The following TEAD4 variants were observed in gnomAD, a reference collection of about 807,000 sequenced individuals.
The protein encoded by TEAD4 is TEA domain transcription factor 4, also known as transcriptional enhancer factor TEF-3.
Under a neutral mutation model 52.4 loss-of-function variants are expected in TEAD4, and 36 were observed. That is an observed-to-expected ratio of 0.69 (90% CI 0.53 to 0.91). The LOEUF is 0.91. Ranked by LOEUF, TEAD4 falls within the 40% of genes least tolerant of loss-of-function variation. The probability of loss-of-function intolerance (pLI) is 0.00; values close to 1 mark genes in which losing one functional copy is unlikely to be tolerated. For synonymous variants in TEAD4, 220 were observed against 231.0 expected, an observed-to-expected ratio of 0.95 and a Z score of 0.43; for missense variants, 508 against 583.9, an observed-to-expected ratio of 0.87 and a Z score of 1.34.
chr12:2,960,306 C>T, intron 2 of TEAD4: 5 of 985,488 alleles, frequency 5.1e-6, no homozygotes, highest in Non-Finnish European at 6.0e-6. Context: ...GCACCCATGC[C>T]TCTTTTCTGC....
intron 10 of TEAD4, among the ~76,000 whole-genome samples, chr12:3,035,995 A>ACAATGTGTCATCCCCTCCCTC (rs1178418349): frequency 6.6e-6 from 1 of 152,064 alleles, no homozygotes. Context: ...CACCCTGCCT[A>ACAATGTGTCATCCCCTCCCTC]CAATGTGTCA....
chr12:2,960,059 G>A lies in TEAD4; in HGVS notation c.-30+19G>A, dbSNP rs1290953645. 1 of 152,930 alleles carries A rather than the reference G, an allele frequency of 6.5e-6. No individual in the cohort carries two copies. Among genetic ancestry groups the A allele is most frequent in the Non-Finnish European group, 1.5e-5 (1 of 68,668 alleles). 9.5% of individuals were successfully genotyped at this position (152,930 alleles called of 1,614,324 possible). ...GGGACCGGTAAGGCTGGGGCGCGGG[G>A]ACTTGGTAGGACTTTGCCGGAGGGC... On this transcript the variant is annotated intron_variant, in intron 2 of 12. Transcript: ENST00000359864.
At chr12:3,007,468 A>C (rs2098256848) in intron 3 of TEAD4, among the ~76,000 whole-genome samples, 1 of 152,194 alleles carries the variant, frequency 6.6e-6, no homozygotes, top group African/African-American at 2.4e-5. Context: ...AAATAGGTAT[A>C]ATTACCTGCC....
At chr12:3,003,625 G>A (rs114359960) in intron 3 of TEAD4, among the ~76,000 whole-genome samples, 1,556 of 152,256 alleles carry the variant, frequency 0.01, 29 homozygotes, top group African/African-American at 0.036. Context: ...GTTTCTCCAC[G>A]GGCAGCCTTC....
At position 3,021,771 on chromosome 12, in the gene TEAD4, C is replaced by T. The variant is rs1029060869; in HGVS notation, c.724-73C>T. 7.9e-6 allele frequency: 12 copies of T among 1,522,380 alleles called. No homozygotes were observed. The East Asian group carries it at 1.4e-4, about 17-fold the overall frequency. The allele number at this position is 1,522,380 out of a possible 1,614,324, so 94.3% of individuals were successfully genotyped here. A position where few individuals can be genotyped will look rare whatever the true frequency, so the allele number is the denominator to read the frequency against. ...GGCTTGCACCAGGTCACGTGGTGGGCACGCAGAGCCAGGGTTGTCTGTCTG... is the reference window on the plus strand; with the variant it reads ...GGCTTGCACCAGGTCACGTGGTGGGTACGCAGAGCCAGGGTTGTCTGTCTG... On this transcript the variant is annotated intron_variant, in intron 9 of 12. Transcript: ENST00000359864.
chr12:2,985,366 CAG>C (rs1434367379), intron 2 of TEAD4, among the ~76,000 whole-genome samples: 1 of 151,454 alleles, frequency 6.6e-6, no homozygotes, highest in Non-Finnish European at 1.5e-5. Context: ...GCCTGGGTGA[CAG>C]AGCAAGACTC....
chr12:3,017,393 C>T lies in TEAD4; in HGVS notation c.355-5C>T, dbSNP rs748010136. ...TGAGGTCCTCCCTTGCAATGTCTCC[C>T]CCAGGACCAGGCAGCTAAGGACAAG... is the stretch of plus-strand genomic sequence containing the variant. On this transcript the variant is annotated splice_polypyrimidine_tract_variant and splice_region_variant and intron_variant, in intron 5 of 12. Coordinates refer to ENST00000359864, the MANE Select transcript of TEAD4 (RefSeq NM_003213.4). 19 of 1,613,980 alleles carry T rather than the reference C, an allele frequency of 1.2e-5. No individual in the cohort carries two copies. In the Admixed American group the frequency reaches 3.2e-4, roughly 27 times the overall value.
intron 5 of TEAD4, among the ~76,000 whole-genome samples, chr12:3,014,601 C>T (rs563848460): frequency 2.6e-5 from 4 of 152,284 alleles, no homozygotes; most frequent in South Asian, 2.1e-4. Flanking sequence ...GCCCCGTGGC[C>T]GTGAGTGCTT....
intron 3 of TEAD4, among the ~76,000 whole-genome samples, chr12:2,999,449 C>T (rs766136544): frequency 3.9e-5 from 6 of 152,336 alleles, no homozygotes; most frequent in Admixed American, 2.0e-4. Flanking sequence ...GCTCCGCCCA[C>T]GGAACATCCA....
At chr12:3,017,022 G>A (rs1000465126) in intron 5 of TEAD4, 6 of 457,364 alleles carry the variant, frequency 1.3e-5, no homozygotes, top group African/African-American at 2.0e-5. Context: ...CTGTGCACTC[G>A]AGGAGGGATC....
chr12:3,017,197 C>A, intron 5 of TEAD4: 2 of 689,504 alleles, frequency 2.9e-6, no homozygotes, highest in Non-Finnish European at 2.6e-6. Context: ...GCCCCTTTGA[C>A]AGATGAGAAA....
At chr12:2,976,194 C>T (rs1050762618) in intron 2 of TEAD4, among the ~76,000 whole-genome samples, 14 of 152,000 alleles carry the variant, frequency 9.2e-5, no homozygotes, top group African/African-American at 3.4e-4. Flanking sequence ...TTAGTAGACA[C>T]ACCATTTTGT....
chr12:2,962,741 C>T (rs2098216838), intron 2 of TEAD4, among the ~76,000 whole-genome samples: 1 of 152,158 alleles, frequency 6.6e-6, no homozygotes, highest in Non-Finnish European at 1.5e-5. Flanking sequence ...GCTGGGATTA[C>T]AGGCGTGAGC....
At chr12:2,990,120 TC>T (rs2098241835) in intron 2 of TEAD4, among the ~76,000 whole-genome samples, 3 of 152,212 alleles carry the variant, frequency 2.0e-5, no homozygotes, top group Non-Finnish European at 4.4e-5. Context: ...TCTAGCTGTA[TC>T]TAAGTTGTTA....
chr12:3,037,713 C>T (rs1297520155), intron 10 of TEAD4, among the ~76,000 whole-genome samples: 1 of 152,188 alleles, frequency 6.6e-6, no homozygotes, highest in Admixed American at 6.5e-5. Flanking sequence ...GTGTTAATAT[C>T]TGGGCAGGCA....
intron 12 of TEAD4, 35 bp from the exon 13 acceptor site, chr12:3,040,330 G>A: frequency 6.2e-7 from 1 of 1,614,016 alleles, no homozygotes; most frequent in Non-Finnish European, 8.5e-7. Context: ...CCCCTTCTGG[G>A]GCCTTATTAA....
rs1205575737 is a variant in TEAD4, at chr12:2,959,491, G to GCCCGCGCCC, written c.-123+11_-123+19dup. The GCCCGCGCCC allele has an allele frequency of 3.4e-5, 5 of 146,606 alleles. No homozygotes were observed. Among genetic ancestry groups the GCCCGCGCCC allele is most frequent in the African/African-American group, 4.9e-5 (2 of 40,648 alleles). 9.1% of individuals were successfully genotyped at this position (146,606 alleles called of 1,614,324 possible). On this transcript the variant is annotated intron_variant, in intron 1 of 12. Coordinates refer to ENST00000359864, the MANE Select transcript of TEAD4 (RefSeq NM_003213.4). The surrounding 1 kb of genome is among the most constrained non-coding windows in gnomAD (Gnocchi z 5.1). ...CGCCGCGTCCCGCCAGGTGAGAGGCGCCCGCGCCCGCCGCACCCGCCGGCG... is the reference window on the plus strand; with the variant it reads ...CGCCGCGTCCCGCCAGGTGAGAGGCGCCCGCGCCCCCCGCGCCCGCCGCACCCGCCGGCG...
At chr12:3,005,606 C>T (rs1320880639) in intron 3 of TEAD4, among the ~76,000 whole-genome samples, 3 of 152,076 alleles carry the variant, frequency 2.0e-5, no homozygotes, top group Non-Finnish European at 4.4e-5. Context: ...AAGCCATTCT[C>T]CTGCCTCAGC....
At chr12:2,996,316 CCCTTACTTCTGGGTCGG>C (rs1253107368) in intron 3 of TEAD4, among the ~76,000 whole-genome samples, 2 of 152,290 alleles carry the variant, frequency 1.3e-5, no homozygotes, top group South Asian at 4.2e-4. Flanking sequence ...CCCAGGGTCG[CCCTTACTTCTGGGTCGG>C]CCCTCTAGAC....
Sources: allele counts gnomAD v4.1 joint callset (sites outside exome capture counted in the v4.1 genomes callset), GRCh38; gene constraint gnomAD v4.1.1; non-coding constraint Gnocchi (gnomAD v3.1); transcripts MANE v1.5; gene names NCBI Gene and HGNC (gene_info 2026-07-23, HGNC 2026-07-21).